The following KIF9 variants were observed in gnomAD, a reference collection of about 807,000 sequenced individuals.
KIF9 encodes the protein kinesin-like protein KIF9.
Under a neutral mutation model 94.8 loss-of-function variants are expected in KIF9, and 68 were observed. The observed-to-expected ratio is 0.72, with a 90% confidence interval of 0.59 to 0.88. KIF9 has a LOEUF of 0.88. KIF9 is among the 40% of genes least tolerant of loss of function. The pLI is 0.00. For synonymous variants in KIF9, 343 were observed against 362.1 expected (o/e 0.95, Z 0.60); for missense variants, 882 against 982.5 (o/e 0.90, Z 1.37).
rs1701264567 is a variant in KIF9, at chr3:47,265,931, A to G, written c.769-54T>C. 1.9e-6 allele frequency: 3 copies of G among 1,594,138 alleles called. No individual in the cohort carries two copies. The Admixed American group carries it at 5.0e-5, about 27-fold the overall frequency. ...GATGGAATAAAGCAGCTGCCCCACT[A>G]AGAATAGCAGTCTTCCTGGTCTGGA... is the stretch of plus-strand genomic sequence containing the variant. On this transcript the variant is annotated intron_variant, in intron 7 of 20. Coordinates refer to ENST00000684063, the MANE Select transcript of KIF9 (RefSeq NM_182902.4).
chr3:47,244,751 G>A (rs747411003), intron 15 of KIF9, 40 bp downstream of exon 15: 4 of 1,610,154 alleles, frequency 2.5e-6, no homozygotes, highest in Middle Eastern at 2.0e-4. Context: ...CCACCGAGGA[G>A]GGCCAGCTGC....
At chr3:47,275,250 T>C (rs1339740469) in intron 3 of KIF9, 75 bp downstream of exon 3, 2 of 1,131,212 alleles carry the variant, frequency 1.8e-6, no homozygotes, top group African/African-American at 3.2e-5. Flanking sequence ...AGCTTTTATT[T>C]TATTCACCAT....
chr3:47,250,035 C>CGGT (rs1359867683), intron 10 of KIF9, among the ~76,000 whole-genome samples: 1 of 151,254 alleles, frequency 6.6e-6, no homozygotes. Context: ...AGCAATAGAG[C>CGGT]GAGTCACTGT....
intron 4 of KIF9, among the ~76,000 whole-genome samples, chr3:47,272,940 G>T (rs983247669): frequency 1.3e-5 from 2 of 152,126 alleles, no homozygotes; most frequent in African/African-American, 4.8e-5. Context: ...CTTCTTATAG[G>T]ACAGGGCTGT....
chr3:47,274,035 T>C (rs1701811172), intron 3 of KIF9, among the ~76,000 whole-genome samples: 1 of 152,194 alleles, frequency 6.6e-6, no homozygotes, highest in South Asian at 2.1e-4. Flanking sequence ...CTAGCACAGC[T>C]ATGAACTGCC....
Position 47,282,732 on chromosome 3 carries a change from G to T in KIF9, c.-243C>A. 7.1e-7 allele frequency: 1 copy of T among 1,413,476 alleles called. No homozygotes were observed. Among genetic ancestry groups the T allele is most frequent in the Non-Finnish European group, 9.2e-7 (1 of 1,085,826 alleles). The allele number at this position is 1,413,476 out of a possible 1,614,324, so 87.6% of individuals were successfully genotyped here. On this transcript the variant is annotated 5_prime_UTR_variant, in exon 1 of 21. Coordinates refer to ENST00000684063, the MANE Select transcript of KIF9 (RefSeq NM_182902.4). ...GGGCCGATTGATCTAGAAAGACTTC[G>T]GCGGATGCACATGCGAAGTCAAGGT... is the stretch of plus-strand genomic sequence containing the variant.
intron 10 of KIF9, among the ~76,000 whole-genome samples, chr3:47,250,208 C>T (rs1208766013): frequency 6.6e-6 from 1 of 152,024 alleles, no homozygotes; most frequent in African/African-American, 2.4e-5. Context: ...TTGTGCTGCC[C>T]GGTATGGTAA....
In KIF9 at chr3:47,247,379, C is replaced by T. The variant is rs754496232; in HGVS notation, c.1227G>A (p.Glu409=). 2.5e-6 allele frequency: 4 copies of T among 1,611,604 alleles called. No individual in the cohort carries two copies. The highest frequency in any genetic ancestry group is 3.4e-6 in the Non-Finnish European group (4 of 1,177,950). The change falls in exon 12 of 21, where the codon GAG becomes GAA. Residue 409 remains glutamate, a synonymous_variant. Coordinates refer to ENST00000684063, the MANE Select transcript of KIF9 (RefSeq NM_182902.4). ...TCACAGAGGGGTTCCTTACGTCGAT[C>T]TCGTCCAGTGTCCCCTCCAGGTACC... ...VRRYLEGTLD[E]IDIISLRQIK...
chr3:47,246,043 AT>A, intron 13 of KIF9, 153 bp downstream of exon 13: 1 of 611,728 alleles, frequency 1.6e-6, no homozygotes, highest in South Asian at 2.2e-5. Context: ...AACTCACTGA[AT>A]ATCCACCAGG....
At chr3:47,258,074 A>G (rs1431845748) in intron 9 of KIF9, among the ~76,000 whole-genome samples, 1 of 152,226 alleles carries the variant, frequency 6.6e-6, no homozygotes, top group Non-Finnish European at 1.5e-5. Flanking sequence ...AGCCATGTCC[A>G]ACAGAGATAC....
At chr3:47,279,765 C>T (rs1480517537) in intron 1 of KIF9, among the ~76,000 whole-genome samples, 2 of 151,700 alleles carry the variant, frequency 1.3e-5, no homozygotes, top group East Asian at 2.0e-4. Context: ...TACAGGCGCC[C>T]GCCACCAAGC....
chr3:47,251,923 A>G (rs940023424), intron 10 of KIF9, among the ~76,000 whole-genome samples: 2 of 152,186 alleles, frequency 1.3e-5, no homozygotes, highest in Non-Finnish European at 2.9e-5. Context: ...TTCCTTGTTC[A>G]CAGAGGACGA....
In KIF9 at chr3:47,267,102, CAGGGAGA is replaced by C. The variant is rs745842717; in HGVS notation, c.676-41_676-35del. The C allele has an allele frequency of 1.9e-6, 3 of 1,608,302 alleles. No individual in the cohort carries two copies. In the Admixed American group the frequency reaches 5.0e-5, roughly 27 times the overall value. On this transcript the variant is annotated intron_variant, in intron 6 of 20. Coordinates refer to ENST00000684063, the MANE Select transcript of KIF9 (RefSeq NM_182902.4). ...CATCCAAGCAGAAGTTAGACTGTCA[CAGGGAGA>C]AGTTTCTGACTGAGCAGGCCCCGTG...
chr3:47,278,880 G>A (rs1364371353), intron 1 of KIF9, among the ~76,000 whole-genome samples: 1 of 152,168 alleles, frequency 6.6e-6, no homozygotes, highest in Non-Finnish European at 1.5e-5. Context: ...GCTGAGGCAG[G>A]AGAATCGCTT....
At chr3:47,272,984 T>A (rs756659293) in intron 4 of KIF9, among the ~76,000 whole-genome samples, 1 of 152,172 alleles carries the variant, frequency 6.6e-6, no homozygotes, top group Non-Finnish European at 1.5e-5. Flanking sequence ...GCCTCCTACC[T>A]CCGACCAGAG....
Position 47,240,842 on chromosome 3 carries a change from T to G in KIF9, c.1883A>C (p.Lys628Thr), listed in dbSNP as rs1425383128. 1 of 1,614,078 alleles carries G rather than the reference T, an allele frequency of 6.2e-7. No individual in the cohort carries two copies. The highest frequency in any genetic ancestry group is 8.5e-7 in the Non-Finnish European group (1 of 1,180,020). ...NAIKREIDVT[K>T]EALNFQKSLR... Reference sequence around the variant, plus strand: ...TGACTTCTGGAAATTCAGGGCCTCCTTGGTCACATCAATCTCCCGCTTGAT... The same window carrying G: ...TGACTTCTGGAAATTCAGGGCCTCCGTGGTCACATCAATCTCCCGCTTGAT... The change falls in exon 17 of 21, where the codon AAG becomes ACG. Residue 628 changes from lysine to threonine, a missense_variant. Lys to Thr is a moderately conservative substitution (Grantham distance 78, BLOSUM62 -1). Coordinates refer to ENST00000684063, the MANE Select transcript of KIF9 (RefSeq NM_182902.4).
At chr3:47,232,308 G>A (rs757345181) in intron 20 of KIF9, among the ~76,000 whole-genome samples, 7 of 151,344 alleles carry the variant, frequency 4.6e-5, no homozygotes, top group African/African-American at 7.3e-5. Context: ...TTTTTTTTAC[G>A]GAGTCTCACT....
chr3:47,266,891 G>A, intron 7 of KIF9, 85 bp downstream of exon 7: 4 of 980,454 alleles, frequency 4.1e-6, no homozygotes, highest in Non-Finnish European at 6.6e-6. Context: ...AATATCCAAT[G>A]AGTCATGGCC....
intron 1 of KIF9, among the ~76,000 whole-genome samples, chr3:47,281,425 G>T (rs773142149): frequency 6.6e-6 from 1 of 152,230 alleles, no homozygotes; most frequent in South Asian, 2.1e-4. Context: ...TCGGTTCACC[G>T]TAGCCTCCAC....
Sources: gnomAD v4.1 joint callset for allele counts (sites outside exome capture counted in the v4.1 genomes callset) on GRCh38, gnomAD v4.1.1 for gene constraint, MANE v1.5 for transcripts, NCBI Gene and HGNC (gene_info 2026-07-23, HGNC 2026-07-21) for gene names.